Variants in CBLB observed in about 807,000 individuals in gnomAD.
CBLB encodes E3 ubiquitin-protein ligase CBL-B.
Under a neutral mutation model 104.9 loss-of-function variants are expected in CBLB, and 31 were observed. The observed-to-expected ratio is 0.30, with a 90% CI of 0.22 to 0.40. The LOEUF (loss-of-function observed/expected upper bound fraction) is 0.40, where lower values mean the gene tolerates loss of function less well. Among genes scored for constraint, CBLB ranks in the 10% least tolerant of loss-of-function variants. The pLI is 1.00. For missense variants in CBLB, 1,062 were observed against 1,214.6 expected (o/e 0.87, Z 1.87); for synonymous variants, 440 against 422.6 (o/e 1.04, Z -0.51).
At chr3:105,868,610 G>A (rs1706567822) in intron 1 of CBLB, 126 bp downstream of exon 1, 3 of 564,136 alleles carry the variant, frequency 5.3e-6, no homozygotes, top group South Asian at 7.9e-5. Context: ...CAAACTGGAC[G>A]GCGGCGGCAA....
At chr3:105,850,895 C>T (rs1265442230) in intron 3 of CBLB, among the ~76,000 whole-genome samples, 1 of 152,080 alleles carries the variant, frequency 6.6e-6, no homozygotes, top group African/African-American at 2.4e-5. Flanking sequence ...AACTGTCATT[C>T]GTTGCTGGTG....
At chr3:105,835,952 GTAAA>G (rs1221129117) in intron 3 of CBLB, among the ~76,000 whole-genome samples, 1 of 152,218 alleles carries the variant, frequency 6.6e-6, no homozygotes, top group Non-Finnish European at 1.5e-5. Flanking sequence ...AGTAGAGGAA[GTAAA>G]TAAAGAATAG....
At chr3:105,836,908 T>C (rs1408205452) in intron 3 of CBLB, among the ~76,000 whole-genome samples, 1 of 151,444 alleles carries the variant, frequency 6.6e-6, no homozygotes, top group Admixed American at 6.6e-5. Flanking sequence ...TGCCTACATA[T>C]TCAAAATATC....
intron 6 of CBLB, among the ~76,000 whole-genome samples, chr3:105,745,120 T>C (rs2075977998): frequency 6.6e-6 from 1 of 152,212 alleles, no homozygotes; most frequent in Non-Finnish European, 1.5e-5. Flanking sequence ...ATCTGAAATG[T>C]GAGGACTCTG....
intron 10 of CBLB, among the ~76,000 whole-genome samples, chr3:105,707,975 G>A (rs1391223329): frequency 2.0e-5 from 3 of 151,734 alleles, no homozygotes; most frequent in African/African-American, 4.9e-5. Flanking sequence ...CATTTTAAAA[G>A]ACTAAATTCT....
chr3:105,733,293 C>T (rs950744458), intron 9 of CBLB, among the ~76,000 whole-genome samples: 2 of 150,768 alleles, frequency 1.3e-5, no homozygotes, highest in Non-Finnish European at 2.9e-5. Context: ...GGAGGCGGAG[C>T]TTGCTGTGTG....
chr3:105,729,332 C>G (rs535544631), intron 9 of CBLB, among the ~76,000 whole-genome samples: 53 of 152,110 alleles, frequency 3.5e-4, no homozygotes, highest in Admixed American at 1.3e-3. Flanking sequence ...GAGCATACTA[C>G]AGAACATGGG....
chr3:105,702,993 T>G (rs1389939598), intron 11 of CBLB, among the ~76,000 whole-genome samples: 2 of 152,212 alleles, frequency 1.3e-5, no homozygotes, highest in African/African-American at 4.8e-5. Flanking sequence ...ATTACCAGAA[T>G]AGTAAAAGAT....
At chr3:105,684,115 TAAGTA>T (rs1209880755) in intron 14 of CBLB, among the ~76,000 whole-genome samples, 1 of 152,242 alleles carries the variant, frequency 6.6e-6, no homozygotes, top group Non-Finnish European at 1.5e-5. Context: ...AATGGCACAC[TAAGTA>T]AAGATGGCAC....
intron 3 of CBLB, among the ~76,000 whole-genome samples, chr3:105,804,436 G>A (rs766773412): frequency 6.6e-5 from 10 of 151,688 alleles, no homozygotes; most frequent in Non-Finnish European, 7.4e-5. Flanking sequence ...TGTGAGAATC[G>A]CCTGAACCTG....
chr3:105,786,226 G>A (rs945860479), intron 3 of CBLB, among the ~76,000 whole-genome samples: 4 of 151,838 alleles, frequency 2.6e-5, no homozygotes, highest in African/African-American at 9.7e-5. Context: ...ACACAAAAAG[G>A]CATTATCAAT....
At position 105,868,747 on chromosome 3, in the gene CBLB, G is replaced by A. The variant is rs554553134; in HGVS notation, c.-26C>T. 5.1e-6 allele frequency: 5 copies of A among 989,532 alleles called. No individual in the cohort carries two copies. The highest frequency in any genetic ancestry group is 2.1e-4 in the East Asian group (2 of 9,608). The allele number at this position is 989,532 out of a possible 1,614,324, so 61.3% of individuals were successfully genotyped here. ...CCTTCCCTTCTTGCCTTTCGGCGCC[G>A]TAGCTGTCCAGAGACACGCGTGTGC... On this transcript the variant is annotated 5_prime_UTR_variant, in exon 1 of 19. In the 5' UTR this introduces an upstream ATG that the reference lacks. Coordinates refer to ENST00000394030, the MANE Select transcript of CBLB (RefSeq NM_170662.5).
intron 10 of CBLB, 105 bp downstream of exon 10, chr3:105,719,942 T>C (rs956831178): frequency 2.3e-6 from 2 of 865,708 alleles, no homozygotes; most frequent in Non-Finnish European, 3.8e-6. Flanking sequence ...TGTGTGTGCC[T>C]CTTTTCTAAA....
rs569193422 is a variant in CBLB at position 105,859,444 on chromosome 3, G to A, written c.169-5780C>T. On this transcript the variant is annotated intron_variant, in intron 2 of 18. Transcript: ENST00000394030. ...AGGCGAGCGGATCACGAGGTCAGGA[G>A]ATCGAGAACATCTTGGCTAACACGG... Among the ~76,000 whole-genome samples, 6 of 152,276 alleles carry A rather than the reference G, an allele frequency of 3.9e-5. No individual in the cohort carries two copies. The South Asian group carries it at 1.2e-3, about 32-fold the overall frequency.
intron 17 of CBLB, among the ~76,000 whole-genome samples, chr3:105,676,134 CTAAGT>C (rs1001105144): frequency 6.6e-6 from 1 of 151,700 alleles, no homozygotes; most frequent in African/African-American, 2.4e-5. Flanking sequence ...GCCTGACACT[CTAAGT>C]TAAGGATAAG....
At chr3:105,754,489 A>AG (rs2076864966) in intron 4 of CBLB, among the ~76,000 whole-genome samples, 3 of 103,572 alleles carry the variant, frequency 2.9e-5, no homozygotes, top group African/African-American at 3.6e-5. Flanking sequence ...GAAGAAGAAA[A>AG]GGGAAGAGAG....
chr3:105,676,779 G>A (rs1182485444), intron 17 of CBLB, among the ~76,000 whole-genome samples: 2 of 152,166 alleles, frequency 1.3e-5, no homozygotes, highest in African/African-American at 2.4e-5. Flanking sequence ...TGTTAGGGAG[G>A]GAACTGATGG....
chr3:105,795,479 G>A (rs1318593614), intron 3 of CBLB, among the ~76,000 whole-genome samples: 1 of 152,150 alleles, frequency 6.6e-6, no homozygotes, highest in Non-Finnish European at 1.5e-5. Flanking sequence ...GATATATGTT[G>A]AGTATGTGTG....
chr3:105,772,646 C>A (rs376310225), intron 4 of CBLB, among the ~76,000 whole-genome samples: 1 of 152,082 alleles, frequency 6.6e-6, no homozygotes, highest in Non-Finnish European at 1.5e-5. Context: ...CTAGAATCTA[C>A]AAGGACCTAA....
Sources: allele counts gnomAD v4.1 joint callset (sites outside exome capture counted in the v4.1 genomes callset), GRCh38; gene constraint gnomAD v4.1.1; transcripts MANE v1.5; gene names NCBI Gene and HGNC (gene_info 2026-07-23, HGNC 2026-07-21).